Variants in EMILIN2 observed in about 807,000 individuals in gnomAD.
EMILIN2 encodes the protein elastin microfibril interfacer 2, also known as EMILIN-2.
EMILIN2 carries 71 observed loss-of-function variants against 87.1 expected under a neutral mutation model. That is an observed-to-expected ratio of 0.82 (90% CI 0.67 to 0.99). EMILIN2 has a LOEUF of 0.99. Among genes scored for constraint, EMILIN2 ranks in the 50% least tolerant of loss-of-function variants. The pLI is 0.00. For missense variants in EMILIN2, 1,407 were observed against 1,371.8 expected (o/e 1.03, Z -0.40); for synonymous variants, 581 against 563.4 (o/e 1.03, Z -0.44).
In EMILIN2 at chr18:2,847,740, C is replaced by T; in HGVS notation, c.135-69C>T. ...CTCGCTCGGTCTGGTGCCGCAGTCC[C>T]CTCTCCCCTGGCCTCATTGTTCTCC... On this transcript the variant is annotated intron_variant, in intron 1 of 7. Transcript: ENST00000254528. This position sits in a 1 kb window ranked among gnomAD's most constrained non-coding sequence, Gnocchi z 4.5. The T allele has an allele frequency of 6.4e-7, 1 of 1,566,286 alleles. No homozygotes were observed. Among genetic ancestry groups the T allele is most frequent in the East Asian group, 2.3e-5 (1 of 43,264 alleles).
At chr18:2,906,165 C>A (rs2076911032) in intron 4 of EMILIN2, 1 of 152,130 alleles carries the variant, frequency 6.6e-6, no homozygotes, top group Admixed American at 6.5e-5. Flanking sequence ...GTTCCGGGAA[C>A]GAGTTCAAAG....
intron 2 of EMILIN2, among the ~76,000 whole-genome samples, chr18:2,854,859 C>T (rs1232391190): frequency 6.6e-6 from 1 of 152,264 alleles, no homozygotes; most frequent in Non-Finnish European, 1.5e-5. Context: ...TGAGGGCTTA[C>T]ATCTTCCAGA....
intron 4 of EMILIN2, chr18:2,906,479 A>G: frequency 7.5e-6 from 1 of 132,552 alleles, no homozygotes; most frequent in Non-Finnish European, 1.2e-5. Flanking sequence ...GTGCTGTGAA[A>G]TCGGGAATTG....
intron 2 of EMILIN2, among the ~76,000 whole-genome samples, chr18:2,882,689 C>A (rs981638061): frequency 8.5e-5 from 13 of 152,142 alleles, no homozygotes; most frequent in Non-Finnish European, 1.8e-4. Context: ...TCAAGACCAG[C>A]CCAGCCAACA....
At chr18:2,884,109 T>C (rs113141229) in intron 2 of EMILIN2, among the ~76,000 whole-genome samples, 6,810 of 151,246 alleles carry the variant, frequency 0.045, 453 homozygotes, top group African/African-American at 0.15. Context: ...GCGCACGCCA[T>C]CACGCCCGGC....
chr18:2,884,263 C>CT (rs938190907), intron 2 of EMILIN2, among the ~76,000 whole-genome samples: 9 of 148,610 alleles, frequency 6.1e-5, no homozygotes, highest in South Asian at 2.2e-4. Context: ...GCCTCTTTTT[C>CT]TTTTTTTTGA....
At chr18:2,865,660 G>C (rs983515418) in intron 2 of EMILIN2, among the ~76,000 whole-genome samples, 3 of 152,212 alleles carry the variant, frequency 2.0e-5, no homozygotes, top group African/African-American at 7.2e-5. Flanking sequence ...AGGGATCAGG[G>C]ACCCACTTGA....
At chr18:2,886,778 G>C (rs138142636) in intron 3 of EMILIN2, among the ~76,000 whole-genome samples, 1 of 152,228 alleles carries the variant, frequency 6.6e-6, no homozygotes, top group East Asian at 1.9e-4. Context: ...CCTTTGCTTA[G>C]TTTTCTCTCT....
intron 4 of EMILIN2, among the ~76,000 whole-genome samples, chr18:2,904,827 G>T (rs1416822458): frequency 6.6e-6 from 1 of 152,176 alleles, no homozygotes; most frequent in Non-Finnish European, 1.5e-5. Flanking sequence ...ACACTAGATA[G>T]AGTTTCACGA....
intron 4 of EMILIN2, among the ~76,000 whole-genome samples, chr18:2,897,930 C>T (rs753897409): frequency 2.0e-5 from 3 of 151,370 alleles, no homozygotes; most frequent in Non-Finnish European, 4.4e-5. Flanking sequence ...TCTCGTGTAT[C>T]GATAGTTTTT....
Position 2,848,593 on chromosome 18 carries a change from TAA to T in EMILIN2, c.257+676_257+677del, listed in dbSNP as rs35023532. ...TTTGCTTATAAAGATTTCCCCATCT[TAA>T]AAAAAAAAAAAAACAGGAAGCAATG... On this transcript the variant is annotated intron_variant, in intron 2 of 7. Coordinates refer to ENST00000254528, the MANE Select transcript of EMILIN2 (RefSeq NM_032048.3). This position sits in a 1 kb window ranked among gnomAD's most constrained non-coding sequence, Gnocchi z 4.1. 0.092 allele frequency among the ~76,000 whole-genome samples: 12,900 copies of T among 140,412 alleles called. 1,824 individuals carry two copies. Among genetic ancestry groups the T allele is most frequent in the African/African-American group, 0.31 (11,933 of 38,834 alleles). The allele number at this position is 140,412 out of a possible 152,430, so 92.1% of individuals were successfully genotyped here.
rs1215705526 is a variant in EMILIN2 at position 2,915,713 on chromosome 18, G to C, written c.*2309G>C. ...AATTTTTTGTATTTTAGTAGAGATG[G>C]GGTTTCACCGTGTTGCCCAGGCTGG... On this transcript the variant is annotated 3_prime_UTR_variant, in exon 8 of 8. Coordinates refer to ENST00000254528, the MANE Select transcript of EMILIN2 (RefSeq NM_032048.3). 1 of 152,134 alleles carries C rather than the reference G, an allele frequency of 6.6e-6. No homozygotes were observed. The highest frequency in any genetic ancestry group is 1.5e-5 in the Non-Finnish European group (1 of 68,078). The allele number at this position is 152,134 out of a possible 1,614,324, so 9.4% of individuals were successfully genotyped here. A position where few individuals can be genotyped will look rare whatever the true frequency, so the allele number is the denominator to read the frequency against.
chr18:2,884,832 A>C, intron 2 of EMILIN2, 132 bp from the exon 3 acceptor site: 3 of 923,956 alleles, frequency 3.2e-6, no homozygotes, highest in Non-Finnish European at 4.7e-6. Context: ...GAGGAGACCA[A>C]CATCCCCTCT....
rs2076951499 is a variant in EMILIN2 at position 2,913,320 on chromosome 18, G to A, written c.3078G>A (p.Gly1026=). 1 of 1,612,912 alleles carries A rather than the reference G, an allele frequency of 6.2e-7. No homozygotes were observed. The highest frequency in any genetic ancestry group is 1.3e-5 in the African/African-American group (1 of 74,882). The change falls in exon 8 of 8, where the codon GGG becomes GGA. Residue 1026 remains glycine (G), a synonymous_variant. Coordinates refer to ENST00000254528, the MANE Select transcript of EMILIN2 (RefSeq NM_032048.3). ...AGDAVNVVVT[G]GKLAHTDFDE... The stretch of plus-strand genomic sequence containing the variant: ...ATGCAGTCAACGTCGTGGTGACTGG[G>A]GGCAAGCTGGCTCACACAGACTTTG...
intron 2 of EMILIN2, among the ~76,000 whole-genome samples, chr18:2,854,040 C>T (rs1001379078): frequency 6.6e-6 from 1 of 152,174 alleles, no homozygotes; most frequent in Non-Finnish European, 1.5e-5. Context: ...CACAGATAGC[C>T]TGCATTGTTG....
rs1423284839 is a variant in EMILIN2, at chr18:2,913,064, C to G, written c.2825-3C>G. 1 of 1,607,742 alleles carries G rather than the reference C, an allele frequency of 6.2e-7. No individual in the cohort carries two copies. ...AGCACAGGGTTTGCCTTTCTCCCCGCAGGGGTCTTCACGGCTCCTTATGAT... is the reference window on the plus strand; with the variant it reads ...AGCACAGGGTTTGCCTTTCTCCCCGGAGGGGTCTTCACGGCTCCTTATGAT... On this transcript the variant is annotated splice_polypyrimidine_tract_variant and splice_region_variant and intron_variant, in intron 7 of 7. Transcript: ENST00000254528.
chr18:2,912,410 T>C (rs1334527765), intron 7 of EMILIN2, among the ~76,000 whole-genome samples: 1 of 152,150 alleles, frequency 6.6e-6, no homozygotes, highest in Non-Finnish European at 1.5e-5. Flanking sequence ...AGCGGCAAGG[T>C]CCGATGTCTG....
In EMILIN2 at chr18:2,892,609, T is replaced by C. The variant is rs2076844750; in HGVS notation, c.2359+123T>C. On this transcript the variant is annotated intron_variant, in intron 4 of 7. Transcript: ENST00000254528. ...TTCATGAGGTAAAAATGTGACAGTA[T>C]TATGCTAGATTTTGGACAGTTCACG... 1.2e-5 allele frequency: 16 copies of C among 1,343,366 alleles called. 1 individual carries two copies. The South Asian group carries it at 2.1e-4, about 18-fold the overall frequency. 83.2% of individuals were successfully genotyped at this position (1,343,366 alleles called of 1,614,324 possible).
At chr18:2,886,651 A>G (rs1333115653) in intron 3 of EMILIN2, among the ~76,000 whole-genome samples, 21 of 152,178 alleles carry the variant, frequency 1.4e-4, no homozygotes. Context: ...CAGTGTTTAC[A>G]TTGTAGTAAC....
Sources: gnomAD v4.1 joint callset for allele counts (sites outside exome capture counted in the v4.1 genomes callset) on GRCh38, gnomAD v4.1.1 for gene constraint, Gnocchi (gnomAD v3.1) non-coding constraint, MANE v1.5 for transcripts, NCBI Gene and HGNC (gene_info 2026-07-23, HGNC 2026-07-21) for gene names.